CLPB: variants seen among roughly 807,000 people sequenced by gnomAD.
CLPB encodes ClpB family mitochondrial disaggregase, also known as mitochondrial disaggregase.
CLPB carries 40 observed loss-of-function variants against 78.4 expected under a neutral mutation model. The observed-to-expected ratio is 0.51, with a 90% CI of 0.40 to 0.66. The LOEUF is 0.66. CLPB is among the 30% of genes least tolerant of loss of function. The probability of loss-of-function intolerance (pLI) is 0.00; values close to 1 mark genes in which losing one functional copy is unlikely to be tolerated. For missense variants in CLPB, 780 were observed against 886.9 expected (o/e 0.88, Z 1.53); for synonymous variants, 333 against 348.0 (o/e 0.96, Z 0.48).
At position 72,322,431 on chromosome 11, in the gene CLPB, G is replaced by C. The variant is rs780474941; in HGVS notation, c.874-5211C>G. Among the ~76,000 whole-genome samples the C allele has an allele frequency of 5.3e-5, 8 of 152,282 alleles. 1 individual carries two copies. The highest frequency in any genetic ancestry group is 1.2e-4 in the African/African-American group (5 of 41,560). ...ACTCCTGACCTCAGGTGATCCACCCGTCTTGGCCTCCCAAAGTGCTGGGAT... is the reference window on the plus strand; with the variant it reads ...ACTCCTGACCTCAGGTGATCCACCCCTCTTGGCCTCCCAAAGTGCTGGGAT... On this transcript the variant is annotated intron_variant, in intron 6 of 15. Coordinates refer to ENST00000538039, the MANE Select transcript of CLPB (RefSeq NM_001258392.3).
chr11:72,331,570 GTTTTTTTTTTTTTT>G (rs71062765), intron 5 of CLPB, among the ~76,000 whole-genome samples: 1 of 49,382 alleles, frequency 2.0e-5, no homozygotes, highest in Non-Finnish European at 3.5e-5. Context: ...TTTCTTTTCT[GTTTTTTTTTTTTTT>G]TTTTTTTTGA....
At chr11:72,324,598 T>TA (rs1565438782) in intron 6 of CLPB, among the ~76,000 whole-genome samples, 1 of 151,782 alleles carries the variant, frequency 6.6e-6, no homozygotes, top group South Asian at 2.1e-4. Context: ...AAATAAAAGT[T>TA]AAAAAAAGGG....
chr11:72,421,042 C>T (rs1856182094), intron 2 of CLPB, among the ~76,000 whole-genome samples: 1 of 152,176 alleles, frequency 6.6e-6, no homozygotes, highest in African/African-American at 2.4e-5. Flanking sequence ...GCCTGTAATC[C>T]CAGCTACTCA....
intron 5 of CLPB, among the ~76,000 whole-genome samples, chr11:72,353,668 G>C (rs1414114170): frequency 1.3e-5 from 2 of 152,190 alleles, no homozygotes; most frequent in Non-Finnish European, 2.9e-5. Context: ...GGTCTAGTAA[G>C]TGAGACTGGA....
At chr11:72,317,046 C>A (rs572173484) in intron 7 of CLPB, 60 bp downstream of exon 7, 91 of 1,205,750 alleles carry the variant, frequency 7.5e-5, no homozygotes, top group Non-Finnish European at 1.0e-4. Flanking sequence ...AGTTTGGTGA[C>A]GACAGGATGT....
At chr11:72,378,829 G>T (rs904298815) in intron 4 of CLPB, among the ~76,000 whole-genome samples, 2 of 152,202 alleles carry the variant, frequency 1.3e-5, no homozygotes, top group African/African-American at 4.8e-5. Flanking sequence ...TGCACATGAG[G>T]AGGAGAGAAA....
intron 3 of CLPB, among the ~76,000 whole-genome samples, chr11:72,389,513 A>T (rs1218800817): frequency 1.3e-5 from 2 of 152,182 alleles, no homozygotes; most frequent in African/African-American, 4.8e-5. Context: ...CGGTCTTAAC[A>T]GTTGGATTAA....
At position 72,290,283 on chromosome 11, in the gene CLPB, G is replaced by T. The variant is rs1266489746; in HGVS notation, c.*3084C>A. 4 of 152,166 alleles carry T rather than the reference G, an allele frequency of 2.6e-5. No homozygotes were observed. Among genetic ancestry groups the T allele is most frequent in the Non-Finnish European group, 5.9e-5 (4 of 68,030 alleles). 9.4% of individuals were successfully genotyped at this position (152,166 alleles called of 1,614,324 possible). On this transcript the variant is annotated 3_prime_UTR_variant, in exon 16 of 16. Transcript: ENST00000538039. ...ACTGGCCAAATCTGAGCCAATTTGA[G>T]CAACCAAATAAACTGTTAGCATTAG... is the stretch of plus-strand genomic sequence containing the variant.
chr11:72,315,955 ACCGGGCTG>A (rs1202511455), intron 7 of CLPB, among the ~76,000 whole-genome samples: 2 of 152,172 alleles, frequency 1.3e-5, no homozygotes, highest in African/African-American at 4.8e-5. Context: ...AGTTGCAACC[ACCGGGCTG>A]CCTTATTCCC....
intron 2 of CLPB, among the ~76,000 whole-genome samples, chr11:72,407,300 G>A (rs1469290932): frequency 6.6e-6 from 1 of 152,228 alleles, no homozygotes; most frequent in Non-Finnish European, 1.5e-5. Context: ...AGGTGTGCCT[G>A]TGTATCCCTC....
rs1950665441 is a variant in CLPB, at chr11:72,354,269, G to A, written c.775+4611C>T. The stretch of plus-strand genomic sequence containing the variant: ...ATTTTCTCAATGCTTCCAAAGATGT[G>A]TGTGTGTGTATATATATATATATAT... On this transcript the variant is annotated intron_variant, in intron 5 of 15. Coordinates refer to ENST00000538039, the MANE Select transcript of CLPB (RefSeq NM_001258392.3). 1.3e-5 allele frequency: 5 copies of A among 391,104 alleles called. No individual in the cohort carries two copies. In the East Asian group the frequency reaches 1.8e-4, roughly 14 times the overall value. The allele number at this position is 391,104 out of a possible 1,614,324, so 24.2% of individuals were successfully genotyped here.
At chr11:72,348,087 T>C (rs1354787801) in intron 5 of CLPB, among the ~76,000 whole-genome samples, 1 of 152,204 alleles carries the variant, frequency 6.6e-6, no homozygotes, top group Non-Finnish European at 1.5e-5. Context: ...CCTCCAGAAC[T>C]ATAAGATAAA....
At chr11:72,332,428 G>A (rs1255855734) in intron 5 of CLPB, among the ~76,000 whole-genome samples, 1 of 152,100 alleles carries the variant, frequency 6.6e-6, no homozygotes, top group Non-Finnish European at 1.5e-5. Flanking sequence ...GGCAGGGGCT[G>A]CAGTGAGCTG....
chr11:72,391,180 A>C (rs575387813), intron 3 of CLPB, among the ~76,000 whole-genome samples: 1 of 152,310 alleles, frequency 6.6e-6, no homozygotes, highest in African/African-American at 2.4e-5. Flanking sequence ...GAAATATTAA[A>C]GACCCACTGA....
At chr11:72,399,490 G>C (rs1167293785) in intron 3 of CLPB, among the ~76,000 whole-genome samples, 1 of 152,094 alleles carries the variant, frequency 6.6e-6, no homozygotes, top group Non-Finnish European at 1.5e-5. Context: ...AAATTATTGT[G>C]CATATTTTTA....
chr11:72,380,977 A>G (rs111758363), intron 3 of CLPB, among the ~76,000 whole-genome samples: 1 of 152,342 alleles, frequency 6.6e-6, no homozygotes, highest in Non-Finnish European at 1.5e-5. Context: ...GAAAGCCCTT[A>G]CGGCATCAGC....
chr11:72,310,511 A>T (rs771639044), intron 7 of CLPB, among the ~76,000 whole-genome samples: 20 of 152,202 alleles, frequency 1.3e-4, no homozygotes, highest in Non-Finnish European at 2.4e-4. Context: ...CTGGTGTCCA[A>T]CAGAAACAGG....
chr11:72,340,249 T>G (rs1463121045), intron 5 of CLPB, among the ~76,000 whole-genome samples: 1 of 152,190 alleles, frequency 6.6e-6, no homozygotes, highest in African/African-American at 2.4e-5. Flanking sequence ...TAATTACTGG[T>G]TTGGGGCAGC....
chr11:72,313,249 A>G (rs1284696518), intron 7 of CLPB, among the ~76,000 whole-genome samples: 1 of 152,180 alleles, frequency 6.6e-6, no homozygotes, highest in Non-Finnish European at 1.5e-5. Context: ...ATTGCCTGAC[A>G]ACTGCTTGTA....
Sources: gnomAD v4.1 joint callset for allele counts (sites outside exome capture counted in the v4.1 genomes callset) on GRCh38, gnomAD v4.1.1 for gene constraint, MANE v1.5 for transcripts, NCBI Gene and HGNC (gene_info 2026-07-23, HGNC 2026-07-21) for gene names.